Variants in FBXL17 observed in about 807,000 individuals in gnomAD.
FBXL17 encodes F-box/LRR-repeat protein 17.
Under a neutral mutation model 66.2 loss-of-function variants are expected in FBXL17, and 22 were observed. The observed-to-expected ratio is 0.33, with a 90% confidence interval of 0.24 to 0.47. The LOEUF is 0.47. FBXL17 is among the 20% of genes least tolerant of loss of function. The pLI, the probability that FBXL17 is intolerant of heterozygous loss-of-function variation, is 1.00. For missense variants in FBXL17, 878 were observed against 948.2 expected (o/e 0.93, Z 0.97); for synonymous variants, 474 against 400.5 (o/e 1.18, Z -2.19).
intron 7 of FBXL17, among the ~76,000 whole-genome samples, chr5:107,901,850 T>C (rs1474064917): frequency 2.0e-5 from 3 of 152,184 alleles, no homozygotes; most frequent in Non-Finnish European, 1.5e-5. Flanking sequence ...AATACTGAAA[T>C]GCCCTCCGTG....
chr5:108,041,485 T>C (rs1445488942), intron 6 of FBXL17, among the ~76,000 whole-genome samples: 1 of 152,154 alleles, frequency 6.6e-6, no homozygotes, highest in Non-Finnish European at 1.5e-5. Context: ...GGCGCAATCA[T>C]AGCTCACTGC....
At chr5:108,243,966 C>A (rs1211767321) in intron 4 of FBXL17, among the ~76,000 whole-genome samples, 1 of 152,118 alleles carries the variant, frequency 6.6e-6, no homozygotes, top group Non-Finnish European at 1.5e-5. Flanking sequence ...TTTCAAAAGG[C>A]ATGCTAAAAT....
intron 7 of FBXL17, among the ~76,000 whole-genome samples, chr5:107,894,149 C>T (rs190011268): frequency 2.6e-4 from 40 of 152,226 alleles, no homozygotes; most frequent in African/African-American, 9.6e-4. Flanking sequence ...CTTTTACTTA[C>T]AGGGAGAACA....
chr5:108,011,617 A>T (rs1034864328), intron 7 of FBXL17, among the ~76,000 whole-genome samples: 1 of 152,126 alleles, frequency 6.6e-6, no homozygotes, highest in African/African-American at 2.4e-5. Flanking sequence ...CAGCCTGGCC[A>T]ACATTGTGAA....
chr5:108,250,239 T>C (rs533196790), intron 4 of FBXL17, among the ~76,000 whole-genome samples: 1 of 152,264 alleles, frequency 6.6e-6, no homozygotes, highest in South Asian at 2.1e-4. Context: ...CCAACGTCTC[T>C]TGGCATGCTT....
chr5:108,022,298 T>C (rs1353135181), intron 6 of FBXL17, among the ~76,000 whole-genome samples: 1 of 151,842 alleles, frequency 6.6e-6, no homozygotes. Context: ...ATACAGGTTG[T>C]GAGGGAAATT....
intron 4 of FBXL17, among the ~76,000 whole-genome samples, chr5:108,289,838 C>G (rs1758041268): frequency 6.6e-6 from 1 of 152,132 alleles, no homozygotes; most frequent in Non-Finnish European, 1.5e-5. Context: ...ATGTGACTTA[C>G]AGTATGTGCT....
rs1221055747 is a variant in FBXL17, at chr5:107,859,464, C to T, written c.*2256G>A. 8.6e-6 allele frequency: 1 copy of T among 116,738 alleles called. No individual in the cohort carries two copies. Among genetic ancestry groups the T allele is most frequent in the African/African-American group, 3.3e-5 (1 of 30,392 alleles). The allele number at this position is 116,738 out of a possible 1,614,324, so 7.2% of individuals were successfully genotyped here. A position where few individuals can be genotyped will look rare whatever the true frequency, so the allele number is the denominator to read the frequency against. On this transcript the variant is annotated 3_prime_UTR_variant, in exon 9 of 9. Transcript: ENST00000542267. ...GATATGGTATTTCTACGGATTTCTACAAATGTACCAAAGCAGTTTTCCAGA... is the reference window on the plus strand; with the variant it reads ...GATATGGTATTTCTACGGATTTCTATAAATGTACCAAAGCAGTTTTCCAGA...
intron 4 of FBXL17, among the ~76,000 whole-genome samples, chr5:108,285,108 T>C (rs1352544903): frequency 1.4e-4 from 22 of 151,926 alleles, no homozygotes; most frequent in Admixed American, 1.4e-3. Context: ...GAAACCACTT[T>C]CTTTGCATAT....
chr5:108,255,918 C>A (rs1165184639), intron 4 of FBXL17, among the ~76,000 whole-genome samples: 1 of 152,106 alleles, frequency 6.6e-6, no homozygotes, highest in Non-Finnish European at 1.5e-5. Context: ...AAATGCTGAA[C>A]AAAGCAAGGC....
chr5:108,045,646 T>C (rs1580367394), intron 6 of FBXL17, among the ~76,000 whole-genome samples: 1 of 152,252 alleles, frequency 6.6e-6, no homozygotes, highest in African/African-American at 2.4e-5. Context: ...ATTTAGAAAA[T>C]TGTATTTTGT....
chr5:108,126,631 G>GTCTC (rs140769664), intron 6 of FBXL17, among the ~76,000 whole-genome samples: 11,401 of 112,044 alleles, frequency 0.1, 723 homozygotes, highest in African/African-American at 0.17. Flanking sequence ...CTGTCTCTCT[G>GTCTC]TCTCTCTCTC....
intron 7 of FBXL17, among the ~76,000 whole-genome samples, chr5:107,913,295 T>C (rs1750009726): frequency 6.6e-6 from 1 of 152,022 alleles, no homozygotes; most frequent in African/African-American, 2.4e-5. Flanking sequence ...GTTTGTTTTG[T>C]TGCCTTAGTT....
chr5:107,868,918 C>T (rs1021085653), intron 8 of FBXL17, among the ~76,000 whole-genome samples: 46 of 140,818 alleles, frequency 3.3e-4, no homozygotes, highest in Admixed American at 4.1e-4. Context: ...CATTTGTAAG[C>T]TATGCAATGT....
chr5:107,909,330 C>A (rs1451258976), intron 7 of FBXL17, among the ~76,000 whole-genome samples: 1 of 152,156 alleles, frequency 6.6e-6, no homozygotes, highest in Non-Finnish European at 1.5e-5. Flanking sequence ...AATAATGATA[C>A]CTACTGTATG....
At position 108,009,261 on chromosome 5, in the gene FBXL17, TTATATATA is replaced by T. The variant is rs375853217; in HGVS notation, c.1822+11656_1822+11663del. Among the ~76,000 whole-genome samples the T allele has an allele frequency of 1.2e-3, 26 of 20,870 alleles. 1 individual carries two copies. Among genetic ancestry groups the T allele is most frequent in the Middle Eastern group, 0.031 (1 of 32 alleles). The allele number at this position is 20,870 out of a possible 152,430, so 13.7% of individuals were successfully genotyped here. ...GCTTGGTCGTGAGTTGTTCCCTGTT[TTATATATA>T]TATATATATATATATATATATATAT... On this transcript the variant is annotated intron_variant, in intron 7 of 8. Transcript: ENST00000542267.
chr5:108,140,443 T>A (rs1391062716), intron 6 of FBXL17, among the ~76,000 whole-genome samples: 1 of 152,212 alleles, frequency 6.6e-6, no homozygotes, highest in African/African-American at 2.4e-5. Context: ...TTCACAACTC[T>A]CTGAAGGACC....
At chr5:108,060,695 TG>T (rs1329916338) in intron 6 of FBXL17, among the ~76,000 whole-genome samples, 7 of 152,174 alleles carry the variant, frequency 4.6e-5, no homozygotes, top group African/African-American at 1.7e-4. Flanking sequence ...CTGTCTTCCC[TG>T]GTTTTAACTT....
chr5:108,022,871 G>A (rs912788828), intron 6 of FBXL17, among the ~76,000 whole-genome samples: 6 of 151,996 alleles, frequency 3.9e-5, no homozygotes, highest in African/African-American at 1.4e-4. Flanking sequence ...TCAATCACTG[G>A]ATAAAGACTG....
Sources: allele counts gnomAD v4.1 joint callset (sites outside exome capture counted in the v4.1 genomes callset), GRCh38; gene constraint gnomAD v4.1.1; transcripts MANE v1.5; gene names NCBI Gene and HGNC (gene_info 2026-07-23, HGNC 2026-07-21).